GRM8: variants seen among roughly 807,000 people sequenced by gnomAD.
GRM8 encodes metabotropic glutamate receptor 8.
Under a neutral mutation model 87.2 loss-of-function variants are expected in GRM8, and 47 were observed. The ratio of observed to expected loss-of-function variants is 0.54; its 90% CI spans 0.43 to 0.69. GRM8 has a LOEUF of 0.69. Ranked by LOEUF, GRM8 falls within the 30% of genes least tolerant of loss-of-function variation. The pLI is 0.00. For synonymous variants in GRM8, 396 were observed against 404.5 expected (o/e 0.98, Z 0.25); for missense variants, 1,019 against 1,139.2 (o/e 0.89, Z 1.52).
intron 2 of GRM8, among the ~76,000 whole-genome samples, chr7:127,158,868 G>A (rs1792913080): frequency 6.6e-6 from 1 of 151,542 alleles, no homozygotes; most frequent in Non-Finnish European, 1.5e-5. Flanking sequence ...GTAGGTGGTA[G>A]CAATAAACAA....
At chr7:126,466,174 T>C (rs1337556285) in intron 9 of GRM8, among the ~76,000 whole-genome samples, 2 of 151,398 alleles carry the variant, frequency 1.3e-5, no homozygotes, top group Non-Finnish European at 3.0e-5. Flanking sequence ...AAAAGGTACT[T>C]TTTTTTTAGT....
intron 7 of GRM8, among the ~76,000 whole-genome samples, chr7:126,622,547 G>A (rs1289053141): frequency 1.3e-5 from 2 of 152,108 alleles, no homozygotes; most frequent in East Asian, 3.9e-4. Context: ...CCCTCCTGAT[G>A]CAACACATAT....
At chr7:126,786,303 A>G (rs988974510) in intron 6 of GRM8, among the ~76,000 whole-genome samples, 2 of 152,186 alleles carry the variant, frequency 1.3e-5, no homozygotes, top group African/African-American at 4.8e-5. Context: ...AGTTTCACCT[A>G]CTCACCAAAT....
At chr7:126,505,088 G>T (rs1468444893) in intron 9 of GRM8, among the ~76,000 whole-genome samples, 2 of 152,008 alleles carry the variant, frequency 1.3e-5, no homozygotes, top group Non-Finnish European at 2.9e-5. Flanking sequence ...AGCAATTCTT[G>T]TCACCAATTA....
At chr7:126,619,655 G>A (rs563250574) in intron 7 of GRM8, among the ~76,000 whole-genome samples, 23 of 151,910 alleles carry the variant, frequency 1.5e-4, no homozygotes, top group African/African-American at 3.1e-4. Context: ...CATCCTATAC[G>A]TTAGGTATTT....
chr7:126,806,644 TC>T lies in GRM8; in HGVS notation c.1157-36580del, dbSNP rs1303466380. On this transcript the variant is annotated intron_variant, in intron 6 of 10. Coordinates refer to ENST00000339582, the MANE Select transcript of GRM8 (RefSeq NM_000845.3). ...CAATCCTTTAGCTAAACAGAAAAGT[TC>T]TCCAAGTCCCCACCCATCCCAGAAA... Among the ~76,000 whole-genome samples the T allele has an allele frequency of 5.9e-5, 9 of 152,258 alleles. No homozygotes were observed. The East Asian group carries it at 1.7e-3, about 29-fold the overall frequency.
chr7:126,491,366 T>A (rs1807991330), intron 9 of GRM8, among the ~76,000 whole-genome samples: 1 of 152,058 alleles, frequency 6.6e-6, no homozygotes, highest in Admixed American at 6.6e-5. Context: ...TAAAATAGTG[T>A]GTCTATTATC....
intron 7 of GRM8, among the ~76,000 whole-genome samples, chr7:126,621,251 A>G (rs938656167): frequency 5.9e-5 from 9 of 152,196 alleles, no homozygotes; most frequent in Admixed American, 1.3e-4. Flanking sequence ...TACATGTATC[A>G]ATTACTCACC....
intron 6 of GRM8, among the ~76,000 whole-genome samples, chr7:126,876,893 A>G (rs1799564951): frequency 6.6e-6 from 1 of 151,780 alleles, no homozygotes; most frequent in Non-Finnish European, 1.5e-5. Context: ...AGACTAACTT[A>G]CTGTGTAATG....
chr7:126,784,415 T>G lies in GRM8; in HGVS notation c.1157-14350A>C, dbSNP rs140484995. Reference sequence around the variant, plus strand: ...AATTATAAATAGAAATTTGATAAATTTAGAACCAATGTGAAAATCATAGCC... The same window carrying G: ...AATTATAAATAGAAATTTGATAAATGTAGAACCAATGTGAAAATCATAGCC... On this transcript the variant is annotated intron_variant, in intron 6 of 10. Coordinates refer to ENST00000339582, the MANE Select transcript of GRM8 (RefSeq NM_000845.3). Among the ~76,000 whole-genome samples, 901 of 152,310 alleles carry G rather than the reference T, an allele frequency of 5.9e-3. 9 individuals are homozygous for G. Among genetic ancestry groups the G allele is most frequent in the Non-Finnish European group, 7.4e-3 (503 of 68,016 alleles).
At chr7:127,239,071 C>T (rs573825683) in intron 2 of GRM8, among the ~76,000 whole-genome samples, 2 of 152,178 alleles carry the variant, frequency 1.3e-5, no homozygotes, top group Non-Finnish European at 2.9e-5. Context: ...ACTGGAGAGG[C>T]TGACACAGGA....
chr7:127,182,392 A>G (rs1052253263), intron 2 of GRM8, among the ~76,000 whole-genome samples: 13 of 151,952 alleles, frequency 8.6e-5, no homozygotes, highest in African/African-American at 3.1e-4. Context: ...CTACACTGCT[A>G]GTGGGAATAT....
At chr7:126,690,524 C>A (rs1808688654) in intron 7 of GRM8, among the ~76,000 whole-genome samples, 1 of 152,172 alleles carries the variant, frequency 6.6e-6, no homozygotes, top group African/African-American at 2.4e-5. Context: ...TGTGTCACAT[C>A]CCTGGCTCAG....
chr7:126,720,688 G>A (rs1351905551), intron 7 of GRM8, among the ~76,000 whole-genome samples: 1 of 152,088 alleles, frequency 6.6e-6, no homozygotes, highest in Non-Finnish European at 1.5e-5. Context: ...AACTTTTAGT[G>A]TTTATAAATA....
chr7:126,463,049 C>A (rs1804066909), intron 9 of GRM8, among the ~76,000 whole-genome samples: 1 of 146,536 alleles, frequency 6.8e-6, no homozygotes, highest in Admixed American at 6.8e-5. Context: ...TGGTTTTCAA[C>A]CTATATAATG....
intron 7 of GRM8, among the ~76,000 whole-genome samples, chr7:126,639,586 G>A (rs1304363849): frequency 1.3e-5 from 2 of 152,166 alleles, no homozygotes; most frequent in Non-Finnish European, 2.9e-5. Context: ...TGGAGTCACA[G>A]CCAAGCAAGA....
intron 8 of GRM8, among the ~76,000 whole-genome samples, chr7:126,571,628 T>G (rs780410600): frequency 2.6e-5 from 4 of 152,180 alleles, no homozygotes; most frequent in Non-Finnish European, 4.4e-5. Flanking sequence ...TCTCCTTTGA[T>G]CTGCATAGAG....
chr7:126,667,814 T>C (rs999724742), intron 7 of GRM8, among the ~76,000 whole-genome samples: 2 of 152,210 alleles, frequency 1.3e-5, no homozygotes, highest in African/African-American at 4.8e-5. Context: ...GTGAACTGAA[T>C]ATCCACGGTG....
intron 7 of GRM8, among the ~76,000 whole-genome samples, chr7:126,666,233 C>G (rs1339167575): frequency 6.6e-6 from 1 of 152,104 alleles, no homozygotes; most frequent in African/African-American, 2.4e-5. Context: ...TGGTACTGTC[C>G]TTTTCAATAT....
Sources: allele counts gnomAD v4.1 joint callset (sites outside exome capture counted in the v4.1 genomes callset), GRCh38; gene constraint gnomAD v4.1.1; transcripts MANE v1.5; gene names NCBI Gene and HGNC (gene_info 2026-07-23, HGNC 2026-07-21).